The following GRIK4 variants were observed in gnomAD, a reference collection of about 807,000 sequenced individuals.
GRIK4 encodes the protein glutamate receptor ionotropic, kainate 4.
A neutral mutation model predicts 104.9 loss-of-function variants in GRIK4; 40 were observed. The observed-to-expected ratio is 0.38, with a 90% CI of 0.30 to 0.50. GRIK4 has a LOEUF of 0.50. Among genes scored for constraint, GRIK4 ranks in the 20% least tolerant of loss-of-function variants. GRIK4 has a pLI of 0.93. For missense variants in GRIK4, 1,047 were observed against 1,308.1 expected (o/e 0.80, Z 3.08); for synonymous variants, 485 against 524.9 (o/e 0.92, Z 1.04).
At chr11:120,875,378 A>C in intron 11 of GRIK4, 135 bp downstream of exon 11, 4 of 660,368 alleles carry the variant, frequency 6.1e-6, no homozygotes. Context: ...AAGGCTCCTG[A>C]CCTGCACCAG....
At position 120,953,944 on chromosome 11, in the gene GRIK4, C is replaced by G. The variant is rs1944070764; in HGVS notation, c.1700+980C>G. On this transcript the variant is annotated intron_variant, in intron 15 of 20. Coordinates refer to ENST00000527524, the MANE Select transcript of GRIK4 (RefSeq NM_014619.5). This position sits in a 1 kb window ranked among gnomAD's most constrained non-coding sequence, Gnocchi z 4.9. The stretch of plus-strand genomic sequence containing the variant: ...GAGCTTCTGGAATCTGTCCGTGGCT[C>G]TGGTTTGCAGGTGTCTCTTCAGTTG... 6.6e-6 allele frequency among the ~76,000 whole-genome samples: 1 copy of G among 152,162 alleles called. No homozygotes were observed. The highest frequency in any genetic ancestry group is 1.5e-5 in the Non-Finnish European group (1 of 68,032).
intron 1 of GRIK4, among the ~76,000 whole-genome samples, chr11:120,562,852 G>C (rs914899192): frequency 6.6e-6 from 1 of 152,224 alleles, no homozygotes; most frequent in South Asian, 2.1e-4. Context: ...TTGGGCATGG[G>C]GGGTATCGTG....
At chr11:120,526,702 C>T (rs777168013) in intron 1 of GRIK4, among the ~76,000 whole-genome samples, 1 of 152,164 alleles carries the variant, frequency 6.6e-6, no homozygotes, top group Non-Finnish European at 1.5e-5. Flanking sequence ...TGTGGTGGCA[C>T]ATGCCTGTAA....
chr11:120,513,012 C>T lies in GRIK4; in HGVS notation c.-159+1125C>T, dbSNP rs1947682234. Among the ~76,000 whole-genome samples, 1 of 152,156 alleles carries T rather than the reference C, an allele frequency of 6.6e-6. No homozygotes were observed. Among genetic ancestry groups the T allele is most frequent in the African/African-American group, 2.4e-5 (1 of 41,444 alleles). ...CATCTGTACTTGATGCTGCCATCTTCCTCTTGGTGCTGTTGTCTGGTGATG... is the reference window on the plus strand; with the variant it reads ...CATCTGTACTTGATGCTGCCATCTTTCTCTTGGTGCTGTTGTCTGGTGATG... On this transcript the variant is annotated intron_variant, in intron 1 of 20. Coordinates refer to ENST00000527524, the MANE Select transcript of GRIK4 (RefSeq NM_014619.5). This position sits in a 1 kb window ranked among gnomAD's most constrained non-coding sequence, Gnocchi z 4.5.
chr11:120,788,526 G>A (rs1232611669), intron 3 of GRIK4, among the ~76,000 whole-genome samples: 1 of 152,122 alleles, frequency 6.6e-6, no homozygotes, highest in Non-Finnish European at 1.5e-5. Context: ...GAGCTAGGTG[G>A]CCATGCGTCT....
At chr11:120,845,108 T>A (rs1953818464) in intron 8 of GRIK4, among the ~76,000 whole-genome samples, 1 of 152,228 alleles carries the variant, frequency 6.6e-6, no homozygotes. Context: ...AAGGCCATTA[T>A]GAAGTGATCT....
chr11:120,666,612 C>G (rs968587665), intron 3 of GRIK4, among the ~76,000 whole-genome samples: 7 of 152,214 alleles, frequency 4.6e-5, no homozygotes, highest in Non-Finnish European at 8.8e-5. Flanking sequence ...GGCTATTGTT[C>G]CATATCTGAA....
chr11:120,604,256 C>T (rs1157395960), intron 1 of GRIK4, among the ~76,000 whole-genome samples: 1 of 152,054 alleles, frequency 6.6e-6, no homozygotes, highest in Non-Finnish European at 1.5e-5. Context: ...ACAGGGCAGC[C>T]CTGCCACAAA....
intron 3 of GRIK4, among the ~76,000 whole-genome samples, chr11:120,727,758 A>G (rs1270977838): frequency 1.3e-5 from 2 of 152,152 alleles, no homozygotes; most frequent in Non-Finnish European, 2.9e-5. Flanking sequence ...AATTAGAAAT[A>G]GAAGGAAAAA....
intron 4 of GRIK4, among the ~76,000 whole-genome samples, chr11:120,811,341 T>C (rs536420478): frequency 1.3e-5 from 2 of 152,300 alleles, no homozygotes; most frequent in Non-Finnish European, 2.9e-5. Flanking sequence ...GCCAAGGCAA[T>C]CTACAAACAT....
intron 1 of GRIK4, among the ~76,000 whole-genome samples, chr11:120,569,563 G>A (rs1361577942): frequency 6.6e-6 from 1 of 152,172 alleles, no homozygotes; most frequent in Non-Finnish European, 1.5e-5. Flanking sequence ...GTATTCCCTT[G>A]TGAATGTCAG....
chr11:120,702,461 C>T (rs556961505), intron 3 of GRIK4, among the ~76,000 whole-genome samples: 4 of 152,226 alleles, frequency 2.6e-5, no homozygotes, highest in Non-Finnish European at 5.9e-5. Context: ...CTACTGGAAA[C>T]GTAAATTTGG....
chr11:120,985,599 A>G (rs1178063093), intron 20 of GRIK4, among the ~76,000 whole-genome samples: 1 of 151,128 alleles, frequency 6.6e-6, no homozygotes, highest in Non-Finnish European at 1.5e-5. Context: ...TAGCTCGGTA[A>G]AAGGAAGCAG....
At chr11:120,821,849 C>T (rs1320720304) in intron 6 of GRIK4, among the ~76,000 whole-genome samples, 1 of 152,226 alleles carries the variant, frequency 6.6e-6, no homozygotes, top group Non-Finnish European at 1.5e-5. Flanking sequence ...GAGCAACACG[C>T]AGCCTCTGTT....
At chr11:120,515,885 C>G (rs80143467) in intron 1 of GRIK4, among the ~76,000 whole-genome samples, 1 of 152,102 alleles carries the variant, frequency 6.6e-6, no homozygotes, top group Non-Finnish European at 1.5e-5. Flanking sequence ...CTGCGTACTC[C>G]GTTTGTTTCG....
intron 19 of GRIK4, among the ~76,000 whole-genome samples, chr11:120,974,292 T>A (rs559402529): frequency 6.6e-6 from 1 of 152,360 alleles, no homozygotes; most frequent in East Asian, 1.9e-4. Flanking sequence ...GCAGTAGTTT[T>A]CACCTGCTTT....
intron 1 of GRIK4, among the ~76,000 whole-genome samples, chr11:120,548,627 C>A (rs1267961884): frequency 6.6e-6 from 1 of 152,232 alleles, no homozygotes; most frequent in Admixed American, 6.5e-5. Flanking sequence ...ATCCTTTTGA[C>A]ATTTTGGGAA....
intron 3 of GRIK4, among the ~76,000 whole-genome samples, chr11:120,760,434 C>T (rs1000454120): frequency 1.4e-5 from 2 of 146,418 alleles, no homozygotes; most frequent in Admixed American, 1.4e-4. Flanking sequence ...CATATATATA[C>T]ATATATATAT....
At chr11:120,612,393 T>C (rs1357408956) in intron 1 of GRIK4, among the ~76,000 whole-genome samples, 1 of 152,164 alleles carries the variant, frequency 6.6e-6, no homozygotes, top group Non-Finnish European at 1.5e-5. Flanking sequence ...GAGCAAGGAT[T>C]TTACTAAATA....
Sources: allele counts gnomAD v4.1 joint callset (sites outside exome capture counted in the v4.1 genomes callset), GRCh38; gene constraint gnomAD v4.1.1; non-coding constraint Gnocchi (gnomAD v3.1); transcripts MANE v1.5; gene names NCBI Gene and HGNC (gene_info 2026-07-23, HGNC 2026-07-21).